Variants in LANCL2 observed in about 807,000 individuals in gnomAD.
LANCL2 encodes LanC like glutathione S-transferase 2, also known as lanC-like protein 2.
LANCL2 carries 33 observed loss-of-function variants against 56.9 expected under a neutral mutation model. The observed-to-expected ratio is 0.58, with a 90% CI of 0.44 to 0.78. The LOEUF (loss-of-function observed/expected upper bound fraction) is 0.78, where lower values mean the gene tolerates loss of function less well. LANCL2 is among the 30% of genes least tolerant of loss of function. The pLI is 0.00. For missense variants in LANCL2, 562 were observed against 580.2 expected (o/e 0.97, Z 0.32); for synonymous variants, 233 against 228.2 (o/e 1.02, Z -0.19).
rs780219664 is a variant in LANCL2 at position 55,366,123 on chromosome 7, C to CCGCCGCCGGGGCGCTGCT, written c.103_120dup (p.Ala35_Ala40dup). On this transcript the variant is annotated inframe_insertion, in exon 1 of 9. Transcript: ENST00000254770. ...GTCAACCCCTTCCCGGACTACGAGGCCGCCGCCGGGGCGCTGCTCGCCTCC... is the reference window on the plus strand; with the variant it reads ...GTCAACCCCTTCCCGGACTACGAGGCCGCCGCCGGGGCGCTGCTCGCCGCCGGGGCGCTGCTCGCCTCC... 7.8e-6 allele frequency: 12 copies of CCGCCGCCGGGGCGCTGCT among 1,545,894 alleles called. No individual in the cohort carries two copies. Among genetic ancestry groups the CCGCCGCCGGGGCGCTGCT allele is most frequent in the Non-Finnish European group, 9.6e-6 (11 of 1,142,950 alleles).
rs780343199 is a variant in LANCL2 at position 55,365,995 on chromosome 7, G to C, written c.-31G>C. On this transcript the variant is annotated 5_prime_UTR_variant, in exon 1 of 9. Coordinates refer to ENST00000254770, the MANE Select transcript of LANCL2 (RefSeq NM_018697.4). ...GCTGCAGCGCCGGGACAGGAGGTTT[G>C]TCCCCGCCCGCGCGCCGTACCGCGG... The C allele has an allele frequency of 3.5e-6, 5 of 1,408,810 alleles. No individual in the cohort carries two copies. Among genetic ancestry groups the C allele is most frequent in the African/African-American group, 1.5e-5 (1 of 66,176 alleles). 87.3% of individuals were successfully genotyped at this position (1,408,810 alleles called of 1,614,324 possible).
intron 1 of LANCL2, among the ~76,000 whole-genome samples, chr7:55,376,479 C>G (rs550261101): frequency 1.0e-3 from 157 of 152,256 alleles, no homozygotes; most frequent in Admixed American, 2.8e-3. Flanking sequence ...ACTCCCTCAT[C>G]AAAGAAAGGG....
intron 1 of LANCL2, among the ~76,000 whole-genome samples, chr7:55,367,829 A>G (rs1298280487): frequency 6.6e-6 from 1 of 152,234 alleles, no homozygotes; most frequent in Non-Finnish European, 1.5e-5. Flanking sequence ...CTGATGTGGT[A>G]CCTTAAGAAA....
intron 1 of LANCL2, among the ~76,000 whole-genome samples, chr7:55,369,035 C>T (rs1406725288): frequency 6.6e-6 from 1 of 152,004 alleles, no homozygotes; most frequent in Non-Finnish European, 1.5e-5. Context: ...AGAAGATGGC[C>T]ATGTGATGAT....
At chr7:55,405,272 G>T (rs1790392259) in intron 5 of LANCL2, among the ~76,000 whole-genome samples, 2 of 152,154 alleles carry the variant, frequency 1.3e-5, no homozygotes, top group African/African-American at 4.8e-5. Context: ...TTCTTTCTCT[G>T]CCTTTGGTTC....
At chr7:55,402,643 C>T (rs1416572316) in intron 5 of LANCL2, among the ~76,000 whole-genome samples, 2 of 98,316 alleles carry the variant, frequency 2.0e-5, no homozygotes, top group Admixed American at 8.7e-5. Flanking sequence ...GCTGGCTGGG[C>T]GGGGGGCTAA....
intron 5 of LANCL2, among the ~76,000 whole-genome samples, chr7:55,407,361 C>A (rs1053243883): frequency 1.3e-5 from 2 of 152,180 alleles, no homozygotes; most frequent in East Asian, 1.9e-4. Flanking sequence ...CACCTCCACC[C>A]CACTCGGGGC....
intron 1 of LANCL2, among the ~76,000 whole-genome samples, chr7:55,387,738 C>T (rs557079267): frequency 2.6e-5 from 4 of 152,198 alleles, no homozygotes; most frequent in Non-Finnish European, 4.4e-5. Context: ...CCTTCATGAA[C>T]CTTTTCATGA....
chr7:55,407,565 T>G (rs916418601), intron 5 of LANCL2, among the ~76,000 whole-genome samples: 1 of 152,246 alleles, frequency 6.6e-6, no homozygotes, highest in African/African-American at 2.4e-5. Flanking sequence ...TTGAATGAGA[T>G]TTACATTTAA....
At chr7:55,414,146 G>C (rs815983) in intron 6 of LANCL2, among the ~76,000 whole-genome samples, 11,074 of 152,172 alleles carry the variant, frequency 0.073, 1,317 homozygotes, top group African/African-American at 0.25. Flanking sequence ...CTTCTTCATA[G>C]TATAAACTAC....
intron 1 of LANCL2, among the ~76,000 whole-genome samples, chr7:55,369,865 G>A (rs1789923490): frequency 6.6e-6 from 1 of 152,236 alleles, no homozygotes; most frequent in Admixed American, 6.5e-5. Context: ...TGTAGGAATA[G>A]CAGACAGAAG....
intron 1 of LANCL2, among the ~76,000 whole-genome samples, chr7:55,380,327 A>G (rs919870402): frequency 6.6e-6 from 1 of 152,130 alleles, no homozygotes; most frequent in Non-Finnish European, 1.5e-5. Flanking sequence ...ATTACTTTCA[A>G]TGACTTAAAA....
At chr7:55,370,647 C>T (rs1789933109) in intron 1 of LANCL2, among the ~76,000 whole-genome samples, 1 of 152,208 alleles carries the variant, frequency 6.6e-6, no homozygotes, top group African/African-American at 2.4e-5. Context: ...TGCCCATTCG[C>T]ATCAGGGAAG....
chr7:55,414,066 A>G (rs1369946867), intron 6 of LANCL2, among the ~76,000 whole-genome samples: 2 of 152,242 alleles, frequency 1.3e-5, no homozygotes, highest in African/African-American at 4.8e-5. Flanking sequence ...CAATTATTAT[A>G]TATCAATGAA....
intron 7 of LANCL2, among the ~76,000 whole-genome samples, chr7:55,427,170 C>T (rs763178094): frequency 6.6e-6 from 1 of 152,212 alleles, no homozygotes; most frequent in Non-Finnish European, 1.5e-5. Context: ...GTTAGTTCTT[C>T]CCTGTAGCCA....
At chr7:55,411,240 C>T (rs1425704510) in intron 5 of LANCL2, 1 of 151,548 alleles carries the variant, frequency 6.6e-6, no homozygotes, top group African/African-American at 2.4e-5. Flanking sequence ...TTTAAAAAAA[C>T]AGTGCCTCAA....
At chr7:55,397,818 G>A (rs549918433) in intron 2 of LANCL2, among the ~76,000 whole-genome samples, 6 of 152,146 alleles carry the variant, frequency 3.9e-5, no homozygotes, top group Non-Finnish European at 7.4e-5. Flanking sequence ...AGGTTGGTGG[G>A]TGGTGAACCA....
chr7:55,398,460 A>G lies in LANCL2; in HGVS notation c.360A>G (p.Thr120=), dbSNP rs779993870. The change falls in exon 3 of 9, where the codon ACA becomes ACG. Residue 120 remains threonine (T), a synonymous_variant. Transcript: ENST00000254770. ...TGTACCTGCAGTTGTACCGGGTCAC[A>G]TGTGACCAAACCTACCTGCTCCGAT... ...ALLYLQLYRV[T]CDQTYLLRSL... The G allele has an allele frequency of 1.2e-6, 2 of 1,614,206 alleles. No homozygotes were observed. Among genetic ancestry groups the G allele is most frequent in the Non-Finnish European group, 1.7e-6 (2 of 1,180,026 alleles).
rs752840045 is a variant in LANCL2 at position 55,401,307 on chromosome 7, A to G, written c.812A>G (p.Tyr271Cys). Residue 271 changes from tyrosine (Y) to cysteine (C), a missense_variant, in exon 5 of 9, where the codon TAT (tyrosine) becomes TGT (cysteine). Tyr to Cys is a radical substitution (Grantham distance 194). This residue lies in a region of LANCL2 where 378 missense variants were observed against 468.4 expected (regional missense o/e 0.81). Transcript: ENST00000254770. Reference protein sequence around the residue: ...GAAHGMAGIYYMLMQPAAKVD... With the variant: ...GAAHGMAGIYCMLMQPAAKVD... The stretch of plus-strand genomic sequence containing the variant: ...GCCCATGGCATGGCTGGAATTTACT[A>G]TATGTTAATGCAGGTAGGTAAGAAT... The G allele has an allele frequency of 9.3e-6, 15 of 1,613,904 alleles. No individual in the cohort carries two copies. The highest frequency in any genetic ancestry group is 4.5e-5 in the East Asian group (2 of 44,884).
Sources: gnomAD v4.1 joint callset for allele counts (sites outside exome capture counted in the v4.1 genomes callset) on GRCh38, gnomAD v4.1.1 for gene constraint, gnomAD v4.1.1 regional missense constraint, MANE v1.5 for transcripts, NCBI Gene and HGNC (gene_info 2026-07-23, HGNC 2026-07-21) for gene names.